Variants in ZNF600 observed in about 807,000 individuals in gnomAD.
ZNF600 encodes the protein zinc finger protein KR-ZNF1.
ZNF600 carries 4 observed loss-of-function variants against 7.3 expected under a neutral mutation model. The observed-to-expected ratio is 0.55, with a 90% CI of 0.27 to 1.25. The LOEUF (loss-of-function observed/expected upper bound fraction) is 1.25, where lower values mean the gene tolerates loss of function less well. Among genes scored for constraint, ZNF600 ranks in the 50% most tolerant of loss-of-function variants. ZNF600 has a pLI of 0.12. For missense variants in ZNF600, 911 were observed against 922.1 expected (o/e 0.99, Z 0.16); for synonymous variants, 290 against 308.9 (o/e 0.94, Z 0.64).
intron 3 of ZNF600, among the ~76,000 whole-genome samples, chr19:52,769,686 A>T (rs11084194): frequency 1.3e-5 from 2 of 152,008 alleles, no homozygotes; most frequent in Admixed American, 6.6e-5. Context: ...ACAGTCTCTC[A>T]TCTCCGCATA....
intron 2 of ZNF600, among the ~76,000 whole-genome samples, chr19:52,775,093 T>A (rs1488458446): frequency 1.3e-5 from 2 of 151,678 alleles, no homozygotes; most frequent in African/African-American, 2.4e-5. Context: ...TATAAAAATT[T>A]GTCAGGCATG....
chr19:52,803,056 C>T, the ZNF600 span, among the ~76,000 whole-genome samples: 6 of 151,704 alleles, frequency 4.0e-5, no homozygotes, highest in Non-Finnish European at 5.9e-5. Context: ...CCACCGCACA[C>T]GGCCGACTTT....
the ZNF600 span, among the ~76,000 whole-genome samples, chr19:52,804,177 G>T: frequency 1.2e-4 from 18 of 151,922 alleles, no homozygotes; most frequent in African/African-American, 4.3e-4. Context: ...CTGGTCTAAA[G>T]CATGAAGAAG....
the ZNF600 span, chr19:52,807,981 G>T: frequency 6.2e-7 from 1 of 1,612,366 alleles, no homozygotes. Flanking sequence ...ATACACAAGG[G>T]CACATCCCCA....
upstream of ZNF600, among the ~76,000 whole-genome samples, chr19:52,787,817 G>A (rs1168712049): frequency 3.4e-5 from 5 of 145,138 alleles, no homozygotes; most frequent in Admixed American, 3.5e-4. Flanking sequence ...CCAAGATCGT[G>A]CCACTGCACT....
chr19:52,769,603 G>C (rs183676760), intron 3 of ZNF600, among the ~76,000 whole-genome samples: 111 of 152,252 alleles, frequency 7.3e-4, no homozygotes, highest in African/African-American at 2.5e-3. Flanking sequence ...ACCCATCTCT[G>C]CATCTTGCTG....
exon 4 of ZNF600, chr19:52,765,921 C>A (rs775285032): frequency 1.2e-6 from 2 of 1,614,124 alleles, no homozygotes; most frequent in East Asian, 2.2e-5. Flanking sequence ...ACATTCATTA[C>A]ACTTGTAAGG....
At chr19:52,829,143 C>T in the ZNF600 span, among the ~76,000 whole-genome samples, 3 of 151,972 alleles carry the variant, frequency 2.0e-5, no homozygotes, top group East Asian at 3.9e-4. Flanking sequence ...GGATCACAGG[C>T]GTGAGCCACC....
At chr19:52,792,462 C>A in the ZNF600 span, among the ~76,000 whole-genome samples, 1 of 152,080 alleles carries the variant, frequency 6.6e-6, no homozygotes, top group East Asian at 1.9e-4. Flanking sequence ...GTGGTTCATG[C>A]CTGTAATCCC....
the ZNF600 span, chr19:52,810,666 C>T: frequency 1.6e-5 from 16 of 1,012,342 alleles, no homozygotes; most frequent in Middle Eastern, 2.1e-4. Flanking sequence ...GTCGCGTCTA[C>T]AGGGGCCGGG....
At chr19:52,802,871 C>T in the ZNF600 span, among the ~76,000 whole-genome samples, 1 of 149,948 alleles carries the variant, frequency 6.7e-6, no homozygotes, top group South Asian at 2.1e-4. Flanking sequence ...CGCCATTCTC[C>T]TGCCTCAGCC....
the ZNF600 span, among the ~76,000 whole-genome samples, chr19:52,826,040 G>A: frequency 1.0e-3 from 152 of 152,240 alleles, no homozygotes; most frequent in African/African-American, 2.5e-3. Flanking sequence ...TAGGACTTAC[G>A]CTGACTTGCC....
rs558512052 is a variant in ZNF600 at position 52,776,057 on chromosome 19, G to A, written c.64-1356C>T. On this transcript the variant is annotated intron_variant, in intron 2 of 3. Transcript: ENST00000648973. ...CTGTTATGATGACAGCAATAGCCAT[G>A]ACTAACATTTTTGAATGCTTCCCAC... is the stretch of plus-strand genomic sequence containing the variant. Among the ~76,000 whole-genome samples the A allele has an allele frequency of 2.6e-4, 35 of 134,590 alleles. No homozygotes were observed. In the East Asian group the frequency reaches 6.8e-3, roughly 26 times the overall value. The allele number at this position is 134,590 out of a possible 152,430, so 88.3% of individuals were successfully genotyped here. A position where few individuals can be genotyped will look rare whatever the true frequency, so the allele number is the denominator to read the frequency against.
chr19:52,808,197 C>G, the ZNF600 span: 1 of 1,595,262 alleles, frequency 6.3e-7, no homozygotes. Flanking sequence ...CAGAAAATGA[C>G]AAGAGAGGGG....
At chr19:52,784,578 T>C (rs183901060) in intron 1 of ZNF600, among the ~76,000 whole-genome samples, 19 of 152,332 alleles carry the variant, frequency 1.2e-4, no homozygotes, top group Non-Finnish European at 2.1e-4. Context: ...CCAAAATTTA[T>C]AGAATGTACA....
upstream of ZNF600, among the ~76,000 whole-genome samples, chr19:52,790,357 TGTG>T (rs1377041830): frequency 6.6e-6 from 1 of 152,126 alleles, no homozygotes; most frequent in Non-Finnish European, 1.5e-5. Context: ...ATTTTGCAGG[TGTG>T]GTGGTGCACA....
downstream of ZNF600, chr19:52,764,353 G>A (rs1415978040): frequency 2.0e-5 from 3 of 151,724 alleles, no homozygotes; most frequent in Non-Finnish European, 2.9e-5. Flanking sequence ...TGGAACTAAA[G>A]GTGCACACCA....
chr19:52,810,202 A>G, the ZNF600 span: 2 of 1,056,268 alleles, frequency 1.9e-6, no homozygotes, highest in Non-Finnish European at 3.0e-6. Flanking sequence ...GAGAAGCTAA[A>G]GGAGCTACAG....
At position 52,773,591 on chromosome 19, in the gene ZNF600, G is replaced by A. The variant is rs1894623431; in HGVS notation, c.190+984C>T. On this transcript the variant is annotated intron_variant, in intron 3 of 3. Coordinates refer to ENST00000648973, the Ensembl canonical transcript of ZNF600. ...GATGTGTTTGTGAAAACAGAGCCAGGCTGAGTGCAGTGGCTCACGTCTGTA... is the reference window on the plus strand; with the variant it reads ...GATGTGTTTGTGAAAACAGAGCCAGACTGAGTGCAGTGGCTCACGTCTGTA... Among the ~76,000 whole-genome samples, 5 of 152,282 alleles carry A rather than the reference G, an allele frequency of 3.3e-5. No homozygotes were observed. The South Asian group carries it at 1.0e-3, about 32-fold the overall frequency.
Sources: gnomAD v4.1 joint callset for allele counts (sites outside exome capture counted in the v4.1 genomes callset) on GRCh38, gnomAD v4.1.1 for gene constraint, MANE v1.5 for transcripts, NCBI Gene and HGNC (gene_info 2026-07-23, HGNC 2026-07-21) for gene names.